The following ARID5B variants were observed in gnomAD, a reference collection of about 807,000 sequenced individuals.
ARID5B encodes the protein AT-rich interactive domain-containing protein 5B.
A neutral mutation model predicts 97.2 loss-of-function variants in ARID5B; 13 were observed. That is an observed-to-expected ratio of 0.13 (90% CI 0.09 to 0.21). ARID5B has a LOEUF of 0.21. Among genes scored for constraint, ARID5B ranks in the 10% least tolerant of loss-of-function variants. The probability of loss-of-function intolerance (pLI) is 1.00; values close to 1 mark genes in which losing one functional copy is unlikely to be tolerated. For missense variants in ARID5B, 1,210 were observed against 1,465.3 expected (o/e 0.83, Z 2.84); for synonymous variants, 556 against 570.3 (o/e 0.97, Z 0.36).
rs568685269 is a variant in ARID5B, at chr10:62,024,607, C to T, written c.733+24286C>T. 6.9e-5 allele frequency: 27 copies of T among 388,972 alleles called. No homozygotes were observed. The East Asian group carries it at 9.7e-4, about 14-fold the overall frequency. The allele number at this position is 388,972 out of a possible 1,614,324, so 24.1% of individuals were successfully genotyped here. A position where few individuals can be genotyped will look rare whatever the true frequency, so the allele number is the denominator to read the frequency against. On this transcript the variant is annotated intron_variant, in intron 4 of 9. Transcript: ENST00000279873. ...TAAGCAGCTTTGAACAGATAAGAAG[C>T]TAGGAAAGAAATTCCTTTGAAGGAG...
At chr10:61,991,086 T>A (rs1838918926) in intron 3 of ARID5B, among the ~76,000 whole-genome samples, 1 of 130,896 alleles carries the variant, frequency 7.6e-6, no homozygotes, top group African/African-American at 2.9e-5. Context: ...AATTTTGTTA[T>A]CTGTTCATCT....
intron 3 of ARID5B, among the ~76,000 whole-genome samples, chr10:61,988,114 T>C (rs1447983400): frequency 6.6e-6 from 1 of 152,062 alleles, no homozygotes; most frequent in African/African-American, 2.4e-5. Context: ...CTTTCAATGA[T>C]GTTCTTCCAT....
At chr10:61,909,050 C>T (rs533333873) in intron 2 of ARID5B, among the ~76,000 whole-genome samples, 1 of 152,078 alleles carries the variant, frequency 6.6e-6, no homozygotes, top group Admixed American at 6.5e-5. Context: ...TGTAGAGCAC[C>T]TATTATGTGC....
At chr10:61,989,428 C>A (rs1838892360) in intron 3 of ARID5B, among the ~76,000 whole-genome samples, 1 of 151,934 alleles carries the variant, frequency 6.6e-6, no homozygotes, top group South Asian at 2.1e-4. Flanking sequence ...TATTCCTTTG[C>A]CCAGTTTTAA....
chr10:61,989,212 A>G (rs1403887764), intron 3 of ARID5B, among the ~76,000 whole-genome samples: 1 of 152,172 alleles, frequency 6.6e-6, no homozygotes, highest in Non-Finnish European at 1.5e-5. Flanking sequence ...TACAGGCGTG[A>G]GCCACCGTGT....
chr10:61,945,568 C>T (rs1844485934), intron 3 of ARID5B, among the ~76,000 whole-genome samples: 1 of 152,162 alleles, frequency 6.6e-6, no homozygotes, highest in African/African-American at 2.4e-5. Flanking sequence ...GCTGGTTTCA[C>T]TCTGCCATTT....
In ARID5B at chr10:61,930,295, G is replaced by T. The variant is rs12269005; in HGVS notation, c.277-9888G>T. Among the ~76,000 whole-genome samples the T allele has an allele frequency of 5.0e-3, 762 of 152,328 alleles. 3 individuals are homozygous for T. Among genetic ancestry groups the T allele is most frequent in the African/African-American group, 0.017 (720 of 41,570 alleles). The stretch of plus-strand genomic sequence containing the variant: ...TCTCTTGCATATGTACACATCTTGT[G>T]AGCAAAGCCACTGACTGTCTGTGTT... On this transcript the variant is annotated intron_variant, in intron 2 of 9. Transcript: ENST00000279873.
intron 7 of ARID5B, among the ~76,000 whole-genome samples, chr10:62,066,218 C>T (rs1839986928): frequency 6.6e-6 from 1 of 152,166 alleles, no homozygotes. Flanking sequence ...GTTCTCTCTC[C>T]TTATTGGGCT....
chr10:62,015,125 G>C (rs756275802), intron 4 of ARID5B, among the ~76,000 whole-genome samples: 1 of 152,182 alleles, frequency 6.6e-6, no homozygotes, highest in East Asian at 1.9e-4. Context: ...ATCAGGCACT[G>C]TTATGTGCCT....
At chr10:61,914,585 A>C (rs1235351190) in intron 2 of ARID5B, among the ~76,000 whole-genome samples, 1 of 152,228 alleles carries the variant, frequency 6.6e-6, no homozygotes, top group Non-Finnish European at 1.5e-5. Context: ...CTGTGTATTC[A>C]CAGCCCAGAG....
At chr10:61,903,451 C>T (rs1235409615) in intron 2 of ARID5B, among the ~76,000 whole-genome samples, 1 of 152,206 alleles carries the variant, frequency 6.6e-6, no homozygotes, top group Non-Finnish European at 1.5e-5. Context: ...GCTGACCGAC[C>T]TCAGCGCCGT....
chr10:62,008,094 A>ACT (rs1387974740), intron 4 of ARID5B, among the ~76,000 whole-genome samples: 18 of 135,186 alleles, frequency 1.3e-4, no homozygotes, highest in Middle Eastern at 7.0e-3. Flanking sequence ...ACACACACAC[A>ACT]CACACTGCCA....
chr10:61,936,768 C>T (rs1451541112), intron 2 of ARID5B, among the ~76,000 whole-genome samples: 1 of 151,258 alleles, frequency 6.6e-6, no homozygotes, highest in Non-Finnish European at 1.5e-5. Context: ...TTTGTATCAA[C>T]CCATTGAGTC....
intron 2 of ARID5B, among the ~76,000 whole-genome samples, chr10:61,902,965 C>A (rs1456397171): frequency 6.6e-6 from 1 of 152,070 alleles, no homozygotes. Flanking sequence ...TGATAAATGA[C>A]AGGTACTGGA....
chr10:61,985,848 G>A (rs1838839854), intron 3 of ARID5B, among the ~76,000 whole-genome samples: 1 of 151,984 alleles, frequency 6.6e-6, no homozygotes, highest in Non-Finnish European at 1.5e-5. Context: ...CTTTCTAAGG[G>A]GTTAAAAGTA....
At chr10:62,004,386 A>G (rs1296280294) in intron 4 of ARID5B, among the ~76,000 whole-genome samples, 2 of 152,246 alleles carry the variant, frequency 1.3e-5, no homozygotes, top group Non-Finnish European at 2.9e-5. Flanking sequence ...AGAATTGACT[A>G]TTTTTAAAAC....
At chr10:62,071,583 C>T (rs117036383) in intron 8 of ARID5B, among the ~76,000 whole-genome samples, 2,322 of 144,158 alleles carry the variant, frequency 0.016, 22 homozygotes, top group South Asian at 0.026. Flanking sequence ...GAAGGTTTGG[C>T]ATGGAGAGAA....
intron 4 of ARID5B, among the ~76,000 whole-genome samples, chr10:62,035,481 A>AT (rs1481602054): frequency 1.4e-4 from 22 of 152,048 alleles, no homozygotes; most frequent in African/African-American, 5.3e-4. Context: ...TGTTTTTTGC[A>AT]TTTTTTCAAA....
intron 4 of ARID5B, among the ~76,000 whole-genome samples, chr10:62,032,572 G>A (rs1163526023): frequency 6.6e-6 from 1 of 152,014 alleles, no homozygotes; most frequent in Non-Finnish European, 1.5e-5. Context: ...AAAATTAGCC[G>A]GGCGTGGTGA....
Sources: allele counts gnomAD v4.1 joint callset (sites outside exome capture counted in the v4.1 genomes callset), GRCh38; gene constraint gnomAD v4.1.1; transcripts MANE v1.5; gene names NCBI Gene and HGNC (gene_info 2026-07-23, HGNC 2026-07-21).